Variants in HMSD observed in about 807,000 individuals in gnomAD.
HMSD encodes the protein serpin-like protein HMSD.
HMSD carries 13 observed loss-of-function variants against 10.0 expected under a neutral mutation model. The ratio of observed to expected loss-of-function variants is 1.31; its 90% CI spans 0.85 to 2.08. The LOEUF (loss-of-function observed/expected upper bound fraction) is 2.08, where lower values mean the gene tolerates loss of function less well. Ranked by LOEUF, HMSD falls within the 30% of genes most tolerant of loss-of-function variation. HMSD has a pLI of 0.00. For missense variants in HMSD, 169 were observed against 166.3 expected, an observed-to-expected ratio of 1.02 and a Z score of -0.09; for synonymous variants, 51 against 54.2, an observed-to-expected ratio of 0.94 and a Z score of 0.26.
At chr18:63,954,316 T>TA (rs1451940019) in intron 2 of HMSD, 92 bp from the exon 3 acceptor site, 2 of 901,066 alleles carry the variant, frequency 2.2e-6, no homozygotes, top group Non-Finnish European at 3.4e-6. Context: ...TAAGCATCTG[T>TA]AAATCTCATA....
downstream of HMSD, among the ~76,000 whole-genome samples, chr18:63,962,329 C>A (rs1038138845): frequency 6.6e-6 from 1 of 152,182 alleles, no homozygotes; most frequent in African/African-American, 2.4e-5. Flanking sequence ...GTAATCTCTT[C>A]CTCTTGTTAT....
Position 63,954,451 on chromosome 18 carries a change from A to C in HMSD, c.116A>C (p.His39Pro), listed in dbSNP as rs759290376. 1 of 1,611,402 alleles carries C rather than the reference A, an allele frequency of 6.2e-7. No individual in the cohort carries two copies. The highest frequency in any genetic ancestry group is 2.2e-5 in the East Asian group (1 of 44,876). ...SKIGGEDGDI[H>P]RGFQSLLVAI... is the part of the protein sequence containing the mutation. ...ATCGGAGGTGAAGATGGAGATATTC[A>C]TCGAGGTTTTCAGTCACTTCTTGTT... Residue 39 changes from histidine to proline, a missense_variant, in exon 3 of 4, where the codon CAT becomes CCT. Transcript: ENST00000408945.
chr18:63,953,478 C>T lies in HMSD; in HGVS notation c.23C>T (p.Ala8Val), dbSNP rs1455200581. MSISSAL[A>V]MVFMGAKGNT... ...CCCATGAGCATATCATCAGCCTTGG[C>T]CATGGTTTTCATGGGGGCAAAGGGA... is the stretch of plus-strand genomic sequence containing the variant. Residue 8 changes from alanine to valine, a missense_variant, in exon 2 of 4, where the codon GCC becomes GTC. Ala to Val is a moderately conservative substitution (Grantham distance 64). Transcript: ENST00000408945. 2 of 1,613,888 alleles carry T rather than the reference C, an allele frequency of 1.2e-6. No homozygotes were observed. The highest frequency in any genetic ancestry group is 1.1e-5 in the South Asian group (1 of 91,046).
intron 1 of HMSD, among the ~76,000 whole-genome samples, chr18:63,951,307 A>AT (rs2050329165): frequency 6.6e-6 from 1 of 152,246 alleles, no homozygotes; most frequent in African/African-American, 2.4e-5. Flanking sequence ...AAGGAAAACA[A>AT]TTTGTTTACC....
chr18:63,964,369 AC>A (rs548435449), downstream of HMSD, among the ~76,000 whole-genome samples: 425 of 152,136 alleles, frequency 2.8e-3, 6 homozygotes, highest in Non-Finnish European at 4.4e-3. Flanking sequence ...AAAATACAAA[AC>A]TGAAAACAAA....
At chr18:63,968,598 C>T (rs2050423274) in intron 3 of HMSD, 1 of 152,226 alleles carries the variant, frequency 6.6e-6, no homozygotes, top group Admixed American at 6.5e-5. Flanking sequence ...CTTCAAACCA[C>T]CAGGCATTTG....
Position 63,957,689 on chromosome 18 carries a change from T to C in HMSD, c.223-2469T>C, listed in dbSNP as rs1414823734. Among the ~76,000 whole-genome samples, 116 of 152,190 alleles carry C rather than the reference T, an allele frequency of 7.6e-4. 1 individual carries two copies. The highest frequency in any genetic ancestry group is 8.8e-5 in the Non-Finnish European group (6 of 68,000). Reference sequence around the variant, plus strand: ...GCCATCTTTTTACTAGCTTACTAGTTTTCTATATAAAGACAACCAAAATGT... The same window carrying C: ...GCCATCTTTTTACTAGCTTACTAGTCTTCTATATAAAGACAACCAAAATGT... On this transcript the variant is annotated intron_variant, in intron 3 of 3. Coordinates refer to ENST00000408945, the MANE Select transcript of HMSD (RefSeq NM_001123366.2).
intron 3 of HMSD, among the ~76,000 whole-genome samples, chr18:63,955,564 G>T (rs1334782705): frequency 6.6e-6 from 1 of 152,126 alleles, no homozygotes; most frequent in Non-Finnish European, 1.5e-5. Context: ...TCTGCAGGGG[G>T]TATTTATAGG....
At chr18:63,955,456 A>C (rs1277752133) in intron 3 of HMSD, among the ~76,000 whole-genome samples, 1 of 152,158 alleles carries the variant, frequency 6.6e-6, no homozygotes, top group Non-Finnish European at 1.5e-5. Flanking sequence ...ATGAGTTACT[A>C]TCTAAAATGG....
At chr18:63,956,305 T>C (rs1269249562) in intron 3 of HMSD, among the ~76,000 whole-genome samples, 1 of 150,742 alleles carries the variant, frequency 6.6e-6, no homozygotes, top group Non-Finnish European at 1.5e-5. Flanking sequence ...ATGGAGAAAA[T>C]ATTTGCAAAC....
In HMSD at chr18:63,960,476, C is replaced by G. The variant is rs1409066837; in HGVS notation, c.*121C>G. The G allele has an allele frequency of 1.8e-5, 24 of 1,362,036 alleles. No individual in the cohort carries two copies. Among genetic ancestry groups the G allele is most frequent in the Non-Finnish European group, 2.2e-5 (23 of 1,033,366 alleles). The allele number at this position is 1,362,036 out of a possible 1,614,324, so 84.4% of individuals were successfully genotyped here. The stretch of plus-strand genomic sequence containing the variant: ...TTCCCTTATCAAGTATCTGTGATGT[C>G]TCTCTAGATGAAATAATCTCTTCCA... On this transcript the variant is annotated 3_prime_UTR_variant, in exon 4 of 4. Coordinates refer to ENST00000408945, the MANE Select transcript of HMSD (RefSeq NM_001123366.2).
At chr18:63,957,331 G>T (rs560742955) in intron 3 of HMSD, among the ~76,000 whole-genome samples, 11 of 151,834 alleles carry the variant, frequency 7.2e-5, no homozygotes, top group Admixed American at 1.3e-4. Flanking sequence ...AAAAACTTTT[G>T]ATTATAAATG....
chr18:63,949,932 A>G (rs1252455993), intron 1 of HMSD, among the ~76,000 whole-genome samples: 1 of 152,246 alleles, frequency 6.6e-6, no homozygotes, highest in Non-Finnish European at 1.5e-5. Flanking sequence ...CTGGAAAAAA[A>G]TCAAAATGAG....
Position 63,953,467 on chromosome 18 carries a change from A to G in HMSD, c.12A>G (p.Ser4=), listed in dbSNP as rs768274769. The change falls in exon 2 of 4, where the codon TCA becomes TCG. Residue 4 remains serine, a synonymous_variant. Transcript: ENST00000408945. MSI[S]SALAMVFMGA... ...TTATTTTTTTCCCCATGAGCATATC[A>G]TCAGCCTTGGCCATGGTTTTCATGG... 9 of 1,613,870 alleles carry G rather than the reference A, an allele frequency of 5.6e-6. No homozygotes were observed. Among genetic ancestry groups the G allele is most frequent in the South Asian group, 1.1e-5 (1 of 91,074 alleles).
chr18:63,963,779 G>A (rs1057350824), downstream of HMSD, among the ~76,000 whole-genome samples: 2 of 152,208 alleles, frequency 1.3e-5, no homozygotes, highest in Admixed American at 1.3e-4. Flanking sequence ...CCTGGATCCT[G>A]TAACAAGAAC....
intron 1 of HMSD, among the ~76,000 whole-genome samples, chr18:63,953,027 T>A (rs1465883735): frequency 1.3e-5 from 2 of 152,214 alleles, no homozygotes; most frequent in African/African-American, 4.8e-5. Flanking sequence ...CCATGGTGAT[T>A]AAGAGGAGCC....
downstream of HMSD, among the ~76,000 whole-genome samples, chr18:63,965,991 C>T (rs568498159): frequency 5.3e-5 from 8 of 152,268 alleles, no homozygotes; most frequent in South Asian, 1.7e-3. Flanking sequence ...AGAAACCTTA[C>T]TTTATAACAA....
intron 2 of HMSD, among the ~76,000 whole-genome samples, chr18:63,954,106 A>G (rs533632570): frequency 2.0e-5 from 3 of 152,356 alleles, no homozygotes; most frequent in Admixed American, 2.0e-4. Context: ...TAGACCAAGT[A>G]TCATAAATAG....
At chr18:63,955,714 C>G (rs1298237205) in intron 3 of HMSD, among the ~76,000 whole-genome samples, 1 of 152,122 alleles carries the variant, frequency 6.6e-6, no homozygotes, top group African/African-American at 2.4e-5. Flanking sequence ...GTAGTGAACA[C>G]TGACCCTGAA....
Sources: gnomAD v4.1 joint callset for allele counts (sites outside exome capture counted in the v4.1 genomes callset) on GRCh38, gnomAD v4.1.1 for gene constraint, MANE v1.5 for transcripts, NCBI Gene and HGNC (gene_info 2026-07-23, HGNC 2026-07-21) for gene names.